CORIN: variants seen among roughly 807,000 people sequenced by gnomAD.
CORIN encodes atrial natriuretic peptide-converting enzyme.
Under a neutral mutation model 125.3 loss-of-function variants are expected in CORIN, and 117 were observed. The observed-to-expected ratio is 0.93, with a 90% confidence interval of 0.80 to 1.09. The LOEUF (loss-of-function observed/expected upper bound fraction) is 1.09. Among genes scored for constraint, CORIN ranks in the 50% least tolerant of loss-of-function variants. The pLI is 0.00. For missense variants in CORIN, 1,253 were observed against 1,306.7 expected (o/e 0.96, Z 0.63); for synonymous variants, 450 against 466.4 (o/e 0.96, Z 0.45).
At chr4:47,638,254 T>C (rs970092860) in intron 16 of CORIN, among the ~76,000 whole-genome samples, 1 of 152,236 alleles carries the variant, frequency 6.6e-6, no homozygotes, top group Non-Finnish European at 1.5e-5. Context: ...TGGAAGGGAC[T>C]TGCCTTGTCT....
rs374109117 is a variant in CORIN, at chr4:47,666,409, T to C, written c.1358-1146A>G. 1.2e-4 allele frequency among the ~76,000 whole-genome samples: 18 copies of C among 152,294 alleles called. 1 individual carries two copies. The South Asian group carries it at 1.2e-3, about 11-fold the overall frequency. ...GGGACTATCCTAGGCAATGTAAATG[T>C]AAGAGTAATGAGAAATATTGTCTCT... is the stretch of plus-strand genomic sequence containing the variant. On this transcript the variant is annotated intron_variant, in intron 10 of 21. Transcript: ENST00000273857.
At chr4:47,764,169 CATAAT>C (rs1484318888) in intron 3 of CORIN, among the ~76,000 whole-genome samples, 3 of 152,136 alleles carry the variant, frequency 2.0e-5, no homozygotes, top group African/African-American at 7.2e-5. Flanking sequence ...GGATGATGCT[CATAAT>C]ATAATAAGTA....
intron 3 of CORIN, among the ~76,000 whole-genome samples, chr4:47,773,019 AT>A (rs948172345): frequency 2.0e-4 from 31 of 151,886 alleles, no homozygotes; most frequent in African/African-American, 5.8e-4. Flanking sequence ...GGGAGTTATA[AT>A]TTTTTTTTAA....
chr4:47,797,064 C>T (rs956406228), intron 2 of CORIN, among the ~76,000 whole-genome samples: 4 of 151,974 alleles, frequency 2.6e-5, no homozygotes, highest in Non-Finnish European at 5.9e-5. Context: ...CTATAGCACA[C>T]TGTGTTGCAT....
chr4:47,613,305 T>C (rs186742820), intron 19 of CORIN, among the ~76,000 whole-genome samples: 3 of 152,160 alleles, frequency 2.0e-5, no homozygotes, highest in East Asian at 1.9e-4. Context: ...ATGCAAAAAT[T>C]AGCCGAGTGT....
intron 16 of CORIN, among the ~76,000 whole-genome samples, chr4:47,637,876 C>G (rs1296677803): frequency 6.6e-6 from 1 of 152,082 alleles, no homozygotes; most frequent in African/African-American, 2.4e-5. Context: ...TCCTCAAGAC[C>G]CCAGAATGGT....
intron 1 of CORIN, among the ~76,000 whole-genome samples, chr4:47,816,106 G>A (rs1577947771): frequency 6.6e-6 from 1 of 152,282 alleles, no homozygotes; most frequent in Middle Eastern, 3.4e-3. Context: ...TGGATTTTAT[G>A]CTCTACAACA....
At chr4:47,624,058 C>A in intron 17 of CORIN, 110 bp from the exon 18 acceptor site, 1 of 878,930 alleles carries the variant, frequency 1.1e-6, no homozygotes, top group Non-Finnish European at 1.8e-6. Flanking sequence ...CACCAGAAAT[C>A]ACATTCTCTG....
At chr4:47,719,349 C>G (rs970128662) in intron 5 of CORIN, among the ~76,000 whole-genome samples, 3 of 152,078 alleles carry the variant, frequency 2.0e-5, no homozygotes, top group Non-Finnish European at 4.4e-5. Context: ...TAAAACAATC[C>G]CCAGCACATA....
At chr4:47,711,520 A>G (rs1387191629) in intron 5 of CORIN, among the ~76,000 whole-genome samples, 1 of 152,242 alleles carries the variant, frequency 6.6e-6, no homozygotes, top group Non-Finnish European at 1.5e-5. Flanking sequence ...AGCTGCAACC[A>G]CACAGGTGAA....
chr4:47,837,480 C>T (rs975156320), intron 1 of CORIN: 2 of 292,592 alleles, frequency 6.8e-6, no homozygotes, highest in African/African-American at 4.5e-5. Flanking sequence ...CCGACAGCTC[C>T]ACCTGCAGCC....
chr4:47,737,874 A>G (rs1299938114), intron 5 of CORIN, among the ~76,000 whole-genome samples: 1 of 152,114 alleles, frequency 6.6e-6, no homozygotes, highest in Non-Finnish European at 1.5e-5. Context: ...ACAATGCCCC[A>G]TTACCAAAGA....
chr4:47,796,520 A>C (rs546107288), intron 2 of CORIN, among the ~76,000 whole-genome samples: 171 of 152,218 alleles, frequency 1.1e-3, no homozygotes, highest in African/African-American at 3.9e-3. Context: ...GACTATGGTT[A>C]ATACTTCTTT....
chr4:47,738,166 G>A (rs1237682401), intron 5 of CORIN, among the ~76,000 whole-genome samples: 1 of 152,110 alleles, frequency 6.6e-6, no homozygotes, highest in Non-Finnish European at 1.5e-5. Flanking sequence ...TCCCATGAAT[G>A]TGCAGGACTA....
intron 4 of CORIN, among the ~76,000 whole-genome samples, chr4:47,758,206 C>T (rs1729278820): frequency 6.6e-6 from 1 of 151,926 alleles, no homozygotes; most frequent in Non-Finnish European, 1.5e-5. Context: ...AGCCACCACG[C>T]CCAGCCTGAA....
chr4:47,638,458 C>A (rs1723111798), intron 16 of CORIN, among the ~76,000 whole-genome samples: 1 of 152,196 alleles, frequency 6.6e-6, no homozygotes, highest in Admixed American at 6.5e-5. Context: ...ATAATTCCCA[C>A]ATATCATGGG....
intron 19 of CORIN, among the ~76,000 whole-genome samples, chr4:47,616,148 T>G (rs895703971): frequency 2.6e-5 from 4 of 152,116 alleles, no homozygotes; most frequent in African/African-American, 7.2e-5. Flanking sequence ...TTAAATGTAT[T>G]CATGTGAAGT....
At chr4:47,780,980 T>C (rs1279988161) in intron 3 of CORIN, among the ~76,000 whole-genome samples, 1 of 146,142 alleles carries the variant, frequency 6.8e-6, no homozygotes, top group African/African-American at 2.5e-5. Flanking sequence ...AAAAAAAAAC[T>C]AAACACAAAA....
At chr4:47,629,565 A>C (rs908245601) in intron 16 of CORIN, among the ~76,000 whole-genome samples, 1 of 152,202 alleles carries the variant, frequency 6.6e-6, no homozygotes, top group African/African-American at 2.4e-5. Context: ...CATATCAACA[A>C]TTATAAAATG....
Sources: allele counts gnomAD v4.1 joint callset (sites outside exome capture counted in the v4.1 genomes callset), GRCh38; gene constraint gnomAD v4.1.1; transcripts MANE v1.5; gene names NCBI Gene and HGNC (gene_info 2026-07-23, HGNC 2026-07-21).